Variants in TG observed in about 807,000 individuals in gnomAD.
TG encodes thyroid hormones.
In TG, 270 loss-of-function variants were observed where a neutral mutation model predicts 324.7. That is an observed-to-expected ratio of 0.83 (90% confidence interval 0.75 to 0.92). The LOEUF is 0.92. TG is among the 40% of genes least tolerant of loss of function. The pLI, the probability that TG is intolerant of heterozygous loss-of-function variation, is 0.00. For missense variants in TG, 3,591 were observed against 3,456.4 expected (o/e 1.04, Z -0.98); for synonymous variants, 1,401 against 1,327.0 (o/e 1.06, Z -1.21).
chr8:132,971,717 A>T (rs1021178683), intron 32 of TG, 77 bp from the exon 33 acceptor site: 21 of 1,010,246 alleles, frequency 2.1e-5, no homozygotes, highest in Non-Finnish European at 2.7e-5. Context: ...AGCAAGAATG[A>T]CTACCATCAG....
At chr8:132,917,937 G>T (rs1284195720) in intron 20 of TG, among the ~76,000 whole-genome samples, 1 of 137,650 alleles carries the variant, frequency 7.3e-6, no homozygotes, top group Admixed American at 8.2e-5. Context: ...TTTTGCGCCA[G>T]CTTAATATTA....
chr8:132,959,966 C>G (rs1827511132), intron 27 of TG, among the ~76,000 whole-genome samples: 1 of 152,134 alleles, frequency 6.6e-6, no homozygotes, highest in Admixed American at 6.5e-5. Flanking sequence ...CAACCAGAAA[C>G]AGAAACTAGG....
rs759454691 is a variant in TG, at chr8:132,972,632, G to A, written c.6090G>A (p.Leu2030=). The A allele has an allele frequency of 6.1e-5, 98 of 1,598,760 alleles. No individual in the cohort carries two copies. The highest frequency in any genetic ancestry group is 8.1e-5 in the Non-Finnish European group (95 of 1,173,666). Residue 2030 remains leucine (L), a synonymous_variant, in exon 34 of 48, where the codon TTG becomes TTA. Transcript: ENST00000220616. ...GEVTCLTLNS[L]GIQMCSEENG... Reference sequence around the variant, plus strand: ...TGACATGTCTCACTCTGAACAGCTTGGGAATTCAGATGTGCAGTGAGGAGA... The same window carrying A: ...TGACATGTCTCACTCTGAACAGCTTAGGAATTCAGATGTGCAGTGAGGAGA...
rs566566582 is a variant in TG, at chr8:133,095,294, A to C, written c.7404+86A>C. 4,919 of 1,552,594 alleles carry C rather than the reference A, an allele frequency of 3.2e-3. 2 individuals are homozygous for C. Among genetic ancestry groups the C allele is most frequent in the Admixed American group, 0.016 (857 of 55,218 alleles). ...AAGACCTAGGAAGGAGGTGTCACCC[A>C]CCCCAGCCATACCACACATGAGGCT... is the stretch of plus-strand genomic sequence containing the variant. On this transcript the variant is annotated intron_variant, in intron 42 of 47. Coordinates refer to ENST00000220616, the MANE Select transcript of TG (RefSeq NM_003235.5).
intron 27 of TG, among the ~76,000 whole-genome samples, chr8:132,960,301 C>A (rs1827553428): frequency 6.6e-6 from 1 of 152,158 alleles, no homozygotes; most frequent in African/African-American, 2.4e-5. Context: ...TGTCAGCCAG[C>A]CCTCTCCTGT....
At chr8:133,011,801 GC>G in intron 35 of TG, 99 bp from the exon 36 acceptor site, 1 of 1,454,292 alleles carries the variant, frequency 6.9e-7, no homozygotes, top group Admixed American at 1.7e-5. Context: ...AGAGGAGGAT[GC>G]CCCTAAGGCT....
intron 5 of TG, among the ~76,000 whole-genome samples, chr8:132,873,429 G>A (rs1221177082): frequency 6.6e-6 from 1 of 152,200 alleles, no homozygotes; most frequent in African/African-American, 2.4e-5. Context: ...AAAAATAGAT[G>A]TGCCCTCTGG....
intron 41 of TG, chr8:133,049,241 A>G (rs2131203750): frequency 4.6e-6 from 2 of 434,550 alleles, no homozygotes; most frequent in Non-Finnish European, 4.6e-6. Flanking sequence ...TTTCTAAGAT[A>G]TCTCTTGTTT....
chr8:132,938,136 G>A (rs1587485257), intron 25 of TG, among the ~76,000 whole-genome samples: 1 of 152,100 alleles, frequency 6.6e-6, no homozygotes. Context: ...TGTCACAACC[G>A]AGGAGGACAG....
At chr8:133,047,765 G>GC in intron 41 of TG, 1 of 914,214 alleles carries the variant, frequency 1.1e-6, no homozygotes, top group Non-Finnish European at 1.8e-6. Context: ...CGTGTAATGA[G>GC]TCAGCCAGGA....
Position 132,948,921 on chromosome 8 carries a change from T to A in TG, c.5379T>A (p.Leu1793=). Reference sequence around the variant, plus strand: ...AGAGCCACCAGGTGATATTGCGTCTTGGAGACCAGGAGTTCATCAAGAGTA... The same window carrying A: ...AGAGCCACCAGGTGATATTGCGTCTAGGAGACCAGGAGTTCATCAAGAGTA... ...DQESHQVILR[L]GDQEFIKSLT... is the part of the protein sequence containing the mutation. The change falls in exon 27 of 48, where the codon CTT becomes CTA. Residue 1793 remains leucine, a synonymous_variant. Transcript: ENST00000220616. 1 of 1,613,924 alleles carries A rather than the reference T, an allele frequency of 6.2e-7. No homozygotes were observed. The highest frequency in any genetic ancestry group is 8.5e-7 in the Non-Finnish European group (1 of 1,180,012).
intron 17 of TG, 45 bp from the exon 18 acceptor site, chr8:132,908,139 ACT>A (rs1818949324): frequency 6.2e-7 from 1 of 1,608,732 alleles, no homozygotes. Context: ...AAAGAAAATA[ACT>A]CTACAGGCCC....
chr8:133,129,262 G>A (rs1372541319), intron 45 of TG, among the ~76,000 whole-genome samples: 1 of 152,198 alleles, frequency 6.6e-6, no homozygotes, highest in Non-Finnish European at 1.5e-5. Flanking sequence ...GATGGGATGG[G>A]CTGGAATGCC....
chr8:133,113,351 G>A (rs1353549321), intron 43 of TG, 71 bp from the exon 44 acceptor site: 3 of 1,573,630 alleles, frequency 1.9e-6, no homozygotes, highest in Non-Finnish European at 2.6e-6. Context: ...TCTAGAGCAA[G>A]GGTTTGAGGG....
At chr8:133,065,095 C>T (rs1339814170) in intron 41 of TG, among the ~76,000 whole-genome samples, 2 of 152,194 alleles carry the variant, frequency 1.3e-5, no homozygotes, top group Non-Finnish European at 2.9e-5. Context: ...TCTTCTAAGG[C>T]ATGGAAGTGT....
chr8:133,019,143 G>A (rs1212230530), intron 38 of TG, among the ~76,000 whole-genome samples: 10 of 152,266 alleles, frequency 6.6e-5, no homozygotes, highest in Middle Eastern at 3.4e-3. Flanking sequence ...TGACCATTGC[G>A]CTGCCATTAG....
At chr8:132,914,664 A>G (rs986621964) in intron 20 of TG, among the ~76,000 whole-genome samples, 1 of 152,242 alleles carries the variant, frequency 6.6e-6, no homozygotes, top group African/African-American at 2.4e-5. Flanking sequence ...TGGGGCTGAC[A>G]CACAGGAGGG....
chr8:133,035,739 AG>A (rs1428316542), intron 41 of TG, among the ~76,000 whole-genome samples: 7 of 152,224 alleles, frequency 4.6e-5, no homozygotes, highest in Non-Finnish European at 8.8e-5. Context: ...AATGCACCAC[AG>A]GTTTTCCTTT....
chr8:132,893,667 C>G, intron 10 of TG, 23 bp from the exon 11 acceptor site: 1 of 1,613,256 alleles, frequency 6.2e-7, no homozygotes, highest in South Asian at 1.1e-5. Context: ...GTGAGTCCAT[C>G]TGTGTTATTT....
Sources: allele counts gnomAD v4.1 joint callset (sites outside exome capture counted in the v4.1 genomes callset), GRCh38; gene constraint gnomAD v4.1.1; transcripts MANE v1.5; gene names NCBI Gene and HGNC (gene_info 2026-07-23, HGNC 2026-07-21).